The following GPC5 variants were observed in gnomAD, a reference collection of about 807,000 sequenced individuals.
GPC5 encodes glypican 5, also known as glypican-5.
A neutral mutation model predicts 53.9 loss-of-function variants in GPC5; 47 were observed. The ratio of observed to expected loss-of-function variants is 0.87; its 90% CI spans 0.69 to 1.11. The LOEUF (loss-of-function observed/expected upper bound fraction) is 1.11. Ranked by LOEUF, GPC5 falls within the 50% of genes most tolerant of loss-of-function variation. The pLI, the probability that GPC5 is intolerant of heterozygous loss-of-function variation, is 0.00. For missense variants in GPC5, 748 were observed against 713.1 expected (o/e 1.05, Z -0.56); for synonymous variants, 286 against 263.3 (o/e 1.09, Z -0.84).
intron 5 of GPC5, among the ~76,000 whole-genome samples, chr13:91,835,546 T>C (rs2038713873): frequency 6.6e-6 from 1 of 152,176 alleles, no homozygotes; most frequent in Admixed American, 6.5e-5. Flanking sequence ...CATGGAATAC[T>C]ATGCAGCTAT....
intron 7 of GPC5, among the ~76,000 whole-genome samples, chr13:92,347,739 C>T (rs1347315995): frequency 7.0e-6 from 1 of 142,576 alleles, no homozygotes; most frequent in Non-Finnish European, 1.5e-5. Flanking sequence ...AAGGGACACA[C>T]ATTACAAAGT....
At chr13:91,979,399 A>T (rs1199209234) in intron 6 of GPC5, among the ~76,000 whole-genome samples, 1 of 152,200 alleles carries the variant, frequency 6.6e-6, no homozygotes, top group African/African-American at 2.4e-5. Flanking sequence ...AAGCATTCTA[A>T]TTTTCCAAAT....
chr13:92,633,270 T>C (rs1423758303), intron 7 of GPC5, among the ~76,000 whole-genome samples: 1 of 152,126 alleles, frequency 6.6e-6, no homozygotes, highest in East Asian at 1.9e-4. Context: ...GGAGTTACAA[T>C]TCAAGATGGG....
At chr13:92,474,043 T>G in intron 7 of GPC5, among the ~76,000 whole-genome samples, 1 of 152,252 alleles carries the variant, frequency 6.6e-6, no homozygotes, top group South Asian at 2.1e-4. Context: ...GTCCCAAAGC[T>G]ATGTGAAATG....
At chr13:92,441,075 G>A (rs547423856) in intron 7 of GPC5, among the ~76,000 whole-genome samples, 59 of 150,984 alleles carry the variant, frequency 3.9e-4, no homozygotes, top group African/African-American at 1.3e-3. Flanking sequence ...CTCATTTATC[G>A]TTTTTTTTTC....
chr13:92,335,640 TG>T (rs1264094206), intron 7 of GPC5, among the ~76,000 whole-genome samples: 3 of 152,180 alleles, frequency 2.0e-5, no homozygotes, highest in South Asian at 2.1e-4. Flanking sequence ...TGGAATGCTT[TG>T]TTGCTTAGAA....
chr13:92,447,421 A>C (rs1185125183), intron 7 of GPC5: 2 of 152,150 alleles, frequency 1.3e-5, no homozygotes, highest in Non-Finnish European at 2.9e-5. Flanking sequence ...TGAATGCATA[A>C]AAATTAATCT....
chr13:92,076,605 T>G (rs2041254228), intron 6 of GPC5, among the ~76,000 whole-genome samples: 1 of 150,970 alleles, frequency 6.6e-6, no homozygotes, highest in African/African-American at 2.4e-5. Context: ...ACTTAAGGAG[T>G]CTGGGGAGTC....
At chr13:92,543,248 T>A (rs1041331012) in intron 7 of GPC5, among the ~76,000 whole-genome samples, 2 of 152,044 alleles carry the variant, frequency 1.3e-5, no homozygotes, top group African/African-American at 4.8e-5. Context: ...TTCTGCTTGA[T>A]CTAGTCTTTT....
chr13:91,521,787 G>T (rs1885830300), intron 2 of GPC5, among the ~76,000 whole-genome samples: 1 of 152,152 alleles, frequency 6.6e-6, no homozygotes, highest in African/African-American at 2.4e-5. Context: ...ATTCCAAAAG[G>T]TGAGGGCTCA....
intron 7 of GPC5, among the ~76,000 whole-genome samples, chr13:92,865,446 T>G (rs1879307667): frequency 6.6e-6 from 1 of 152,090 alleles, no homozygotes; most frequent in Admixed American, 6.6e-5. Flanking sequence ...ATGTGGAATC[T>G]AAAATAGCTG....
chr13:92,170,591 AT>A (rs368238224), intron 7 of GPC5, among the ~76,000 whole-genome samples: 115 of 151,380 alleles, frequency 7.6e-4, no homozygotes, highest in African/African-American at 2.6e-3. Flanking sequence ...CGCCCAGCTA[AT>A]TTTTGTATTT....
chr13:92,639,972 T>TTCTC lies in GPC5; in HGVS notation c.1562-226295_1562-226292dup, dbSNP rs1235990311. ...TAAGTGATCCTGAGGATTTTTTTTTTTCTCTCTCTCTCTCTCTCACTCTCT... is the reference window on the plus strand; with the variant it reads ...TAAGTGATCCTGAGGATTTTTTTTTTTCTCTCTCTCTCTCTCTCTCTCACTCTCT... On this transcript the variant is annotated intron_variant, in intron 7 of 7. Coordinates refer to ENST00000377067, the MANE Select transcript of GPC5 (RefSeq NM_004466.6). 5.3e-4 allele frequency among the ~76,000 whole-genome samples: 78 copies of TTCTC among 148,538 alleles called. 1 individual carries two copies. The East Asian group carries it at 6.8e-3, about 13-fold the overall frequency.
chr13:92,638,262 A>G (rs1357174684), intron 7 of GPC5, among the ~76,000 whole-genome samples: 1 of 152,164 alleles, frequency 6.6e-6, no homozygotes, highest in Non-Finnish European at 1.5e-5. Flanking sequence ...TGGACTTTAT[A>G]TTGACCTGAA....
At chr13:92,677,769 C>T (rs955813892) in intron 7 of GPC5, among the ~76,000 whole-genome samples, 2 of 142,416 alleles carry the variant, frequency 1.4e-5, no homozygotes, top group Non-Finnish European at 3.2e-5. Context: ...TGAAACCTGA[C>T]GCCACCCCAC....
chr13:91,731,544 C>T (rs528832473), intron 4 of GPC5, among the ~76,000 whole-genome samples: 1 of 151,326 alleles, frequency 6.6e-6, no homozygotes, highest in Non-Finnish European at 1.5e-5. Flanking sequence ...ATTTTAGGTT[C>T]TGGGATAAAA....
intron 7 of GPC5, among the ~76,000 whole-genome samples, chr13:92,464,600 T>C (rs1566601866): frequency 6.6e-6 from 1 of 152,240 alleles, no homozygotes; most frequent in East Asian, 1.9e-4. Context: ...TAGTTAAGAA[T>C]ACCTTGACTC....
chr13:92,674,158 C>G lies in GPC5; in HGVS notation c.1562-192124C>G, dbSNP rs368793060. On this transcript the variant is annotated intron_variant, in intron 7 of 7. Coordinates refer to ENST00000377067, the MANE Select transcript of GPC5 (RefSeq NM_004466.6). ...GATAATGGCTTTTCTCCTTCAGTAACCCAAAGGAAAAGCTGACATTCTAAC... is the reference window on the plus strand; with the variant it reads ...GATAATGGCTTTTCTCCTTCAGTAAGCCAAAGGAAAAGCTGACATTCTAAC... Among the ~76,000 whole-genome samples the G allele has an allele frequency of 3.3e-4, 51 of 152,244 alleles. 1 individual carries two copies. The East Asian group carries it at 4.8e-3, about 14-fold the overall frequency.
intron 7 of GPC5, among the ~76,000 whole-genome samples, chr13:92,561,506 T>C (rs1409619646): frequency 1.3e-5 from 2 of 152,036 alleles, no homozygotes; most frequent in Admixed American, 6.6e-5. Context: ...TATTGAATGG[T>C]TAACTGTATG....
Sources: allele counts gnomAD v4.1 joint callset (sites outside exome capture counted in the v4.1 genomes callset), GRCh38; gene constraint gnomAD v4.1.1; transcripts MANE v1.5; gene names NCBI Gene and HGNC (gene_info 2026-07-23, HGNC 2026-07-21).